Variants in DLG2 observed in about 807,000 individuals in gnomAD.
DLG2 encodes discs large MAGUK scaffold protein 2, also known as disks large homolog 2.
In DLG2, 45 loss-of-function variants were observed where a neutral mutation model predicts 132.5. The observed-to-expected ratio is 0.34, with a 90% confidence interval of 0.27 to 0.44. The LOEUF (loss-of-function observed/expected upper bound fraction) is 0.44, where lower values mean the gene tolerates loss of function less well. DLG2 is among the 20% of genes least tolerant of loss of function. DLG2 has a pLI of 1.00. For missense variants in DLG2, 1,045 were observed against 1,196.9 expected, an observed-to-expected ratio of 0.87 and a Z score of 1.87; for synonymous variants, 424 against 419.6, an observed-to-expected ratio of 1.01 and a Z score of -0.13.
chr11:84,026,071 A>T (rs1474729122), intron 11 of DLG2, among the ~76,000 whole-genome samples: 1 of 152,148 alleles, frequency 6.6e-6, no homozygotes, highest in Non-Finnish European at 1.5e-5. Flanking sequence ...GCATAGATGT[A>T]TGATGGTATG....
At chr11:85,206,787 C>A (rs1024471739) in intron 4 of DLG2, among the ~76,000 whole-genome samples, 1 of 151,996 alleles carries the variant, frequency 6.6e-6, no homozygotes. Flanking sequence ...GAGACGAGAT[C>A]ATGCCACTGC....
intron 18 of DLG2, among the ~76,000 whole-genome samples, chr11:83,728,759 T>A (rs1178073380): frequency 2.0e-5 from 3 of 152,252 alleles, no homozygotes; most frequent in African/African-American, 7.2e-5. Context: ...GTCTTAGGCC[T>A]AAATCACAGG....
intron 6 of DLG2, among the ~76,000 whole-genome samples, chr11:84,621,905 T>A (rs2099614677): frequency 6.6e-6 from 1 of 152,142 alleles, no homozygotes; most frequent in Non-Finnish European, 1.5e-5. Flanking sequence ...TGGAAAACAA[T>A]TCTACCTACC....
At chr11:85,379,479 T>C (rs2085699651) in intron 3 of DLG2, among the ~76,000 whole-genome samples, 1 of 152,212 alleles carries the variant, frequency 6.6e-6, no homozygotes, top group South Asian at 2.1e-4. Context: ...GGAACGATAA[T>C]TTGTTTTCAC....
chr11:83,668,798 CACATATATATGTGTATATAA>C (rs1277019785), intron 18 of DLG2, among the ~76,000 whole-genome samples: 8 of 53,956 alleles, frequency 1.5e-4, no homozygotes, highest in African/African-American at 2.1e-4. Flanking sequence ...TATATAAACA[CACATATATATGTGTATATAA>C]ACATATATAT....
At chr11:85,560,618 C>T (rs1472465212) in intron 3 of DLG2, among the ~76,000 whole-genome samples, 1 of 151,786 alleles carries the variant, frequency 6.6e-6, no homozygotes, top group Non-Finnish European at 1.5e-5. Context: ...GCTCTAAAAC[C>T]AGATTGTGGT....
intron 9 of DLG2, among the ~76,000 whole-genome samples, chr11:84,142,256 G>A (rs1287758920): frequency 1.3e-5 from 2 of 149,386 alleles, no homozygotes; most frequent in Non-Finnish European, 3.0e-5. Context: ...AGGAGGCGGA[G>A]GTTGCAGTGA....
intron 7 of DLG2, among the ~76,000 whole-genome samples, chr11:84,433,519 C>T (rs992494249): frequency 2.0e-5 from 3 of 152,120 alleles, no homozygotes; most frequent in African/African-American, 7.2e-5. Flanking sequence ...GTATTCTATC[C>T]CAGCCAGGCA....
At chr11:85,052,385 A>G (rs1001048724) in intron 6 of DLG2, among the ~76,000 whole-genome samples, 3 of 152,216 alleles carry the variant, frequency 2.0e-5, no homozygotes, top group African/African-American at 7.2e-5. Context: ...CTTAAAACTC[A>G]TAAAATTTAA....
chr11:83,579,992 A>C (rs2096942250), intron 19 of DLG2, among the ~76,000 whole-genome samples: 1 of 151,854 alleles, frequency 6.6e-6, no homozygotes. Flanking sequence ...TAAATAAATA[A>C]ATAATAAATA....
At chr11:83,692,786 C>T (rs1240922616) in intron 18 of DLG2, 1 of 152,190 alleles carries the variant, frequency 6.6e-6, no homozygotes, top group Non-Finnish European at 1.5e-5. Flanking sequence ...GAGCACAAAA[C>T]TAGACTCTAC....
intron 7 of DLG2, among the ~76,000 whole-genome samples, chr11:84,290,991 A>T (rs2097986504): frequency 1.3e-5 from 2 of 152,158 alleles, no homozygotes; most frequent in South Asian, 4.1e-4. Context: ...CTAGAAAAAA[A>T]ATGCACATCT....
At chr11:84,400,112 T>C (rs974494521) in intron 7 of DLG2, among the ~76,000 whole-genome samples, 2 of 152,200 alleles carry the variant, frequency 1.3e-5, no homozygotes, top group African/African-American at 4.8e-5. Context: ...AGCTTATAAA[T>C]GGCTTGGGAA....
Position 84,742,614 on chromosome 11 carries a change from A to G in DLG2, c.358-207883T>C, listed in dbSNP as rs117004036. On this transcript the variant is annotated intron_variant, in intron 6 of 27. Transcript: ENST00000376104. ...TTATTAACATCCTCACCAGAATGTT[A>G]TATTTGCTACAACTGATGAACCTTT... Among the ~76,000 whole-genome samples, 927 of 152,324 alleles carry G rather than the reference A, an allele frequency of 6.1e-3. 4 individuals are homozygous for G. Among genetic ancestry groups the G allele is most frequent in the Non-Finnish European group, 0.01 (698 of 68,004 alleles).
At chr11:84,249,896 T>C (rs2097349727) in intron 8 of DLG2, among the ~76,000 whole-genome samples, 1 of 152,304 alleles carries the variant, frequency 6.6e-6, no homozygotes, top group East Asian at 1.9e-4. Flanking sequence ...GCTGTTATTC[T>C]TGTCCTGACC....
At chr11:84,821,627 T>TAA (rs770947930) in intron 6 of DLG2, among the ~76,000 whole-genome samples, 15 of 70,942 alleles carry the variant, frequency 2.1e-4, no homozygotes, top group South Asian at 7.8e-4. Context: ...TCATACAATG[T>TAA]AAAAAAAAAA....
At chr11:85,284,706 T>G (rs1033494445) in intron 4 of DLG2, among the ~76,000 whole-genome samples, 7 of 152,128 alleles carry the variant, frequency 4.6e-5, no homozygotes, top group African/African-American at 1.7e-4. Context: ...GCTTTATATT[T>G]ATTTTTAAAA....
At chr11:84,785,254 TA>T (rs939705234) in intron 6 of DLG2, among the ~76,000 whole-genome samples, 29 of 151,602 alleles carry the variant, frequency 1.9e-4, no homozygotes, top group South Asian at 1.0e-3. Flanking sequence ...TTTTTTTAAA[TA>T]AAAAAAAATT....
chr11:85,029,255 A>C (rs2060811046), intron 6 of DLG2, among the ~76,000 whole-genome samples: 1 of 152,136 alleles, frequency 6.6e-6, no homozygotes, highest in Admixed American at 6.5e-5. Context: ...AACAACGTAA[A>C]CTGCCATGGC....
Sources: allele counts gnomAD v4.1 joint callset (sites outside exome capture counted in the v4.1 genomes callset), GRCh38; gene constraint gnomAD v4.1.1; transcripts MANE v1.5; gene names NCBI Gene and HGNC (gene_info 2026-07-23, HGNC 2026-07-21).